LTBP1: variants seen among roughly 807,000 people sequenced by gnomAD.
The protein encoded by LTBP1 is latent transforming growth factor beta binding protein 1.
Under a neutral mutation model 207.6 loss-of-function variants are expected in LTBP1, and 129 were observed. The observed-to-expected ratio is 0.62, with a 90% CI of 0.54 to 0.72. The LOEUF (loss-of-function observed/expected upper bound fraction) is 0.72. Among genes scored for constraint, LTBP1 ranks in the 30% least tolerant of loss-of-function variants. The pLI is 0.00. For synonymous variants in LTBP1, 963 were observed against 833.7 expected, an observed-to-expected ratio of 1.16 and a Z score of -2.67; for missense variants, 2,281 against 2,217.2, an observed-to-expected ratio of 1.03 and a Z score of -0.58.
intron 3 of LTBP1, among the ~76,000 whole-genome samples, chr2:33,094,289 G>C (rs1408499130): frequency 6.6e-6 from 1 of 152,046 alleles, no homozygotes; most frequent in African/African-American, 2.4e-5. Flanking sequence ...CTTCCCTTAA[G>C]ATTTTTGTCT....
intron 32 of LTBP1, among the ~76,000 whole-genome samples, chr2:33,393,090 G>T (rs1208135446): frequency 2.6e-5 from 4 of 151,770 alleles, no homozygotes; most frequent in Non-Finnish European, 5.9e-5. Flanking sequence ...ACATATAAAG[G>T]TTTGTTACAT....
rs1393565021 is a variant in LTBP1 at position 33,300,469 on chromosome 2, A to T, written c.3254A>T (p.Gln1085Leu). The T allele has an allele frequency of 1.2e-6, 2 of 1,613,338 alleles. No individual in the cohort carries two copies. Among genetic ancestry groups the T allele is most frequent in the Admixed American group, 3.3e-5 (2 of 59,970 alleles). The part of the protein sequence containing the change: ...KHCRDIDECQ[Q>L]GNLCVNGQCK... ...TTTGCAGATATTGATGAATGTCAGC[A>T]AGGGAATCTATGTGTAAACGGGCAG... Residue 1085 changes from glutamine (Q) to leucine (L), a missense_variant, in exon 21 of 34, where the codon CAA (glutamine) becomes CTA (leucine). Physicochemically the swap from Gln to Leu is moderately radical, Grantham distance 113 (BLOSUM62 -2). This residue lies in a region of LTBP1 where 1,671 missense variants were observed against 1,634.8 expected (regional missense o/e 1.02). Transcript: ENST00000404816.
chr2:33,313,122 G>A (rs919328510), intron 23 of LTBP1, among the ~76,000 whole-genome samples: 1 of 152,162 alleles, frequency 6.6e-6, no homozygotes, highest in African/African-American at 2.4e-5. Context: ...ATTTCACAGA[G>A]TAAAATCATA....
intron 8 of LTBP1, among the ~76,000 whole-genome samples, chr2:33,219,083 A>G (rs992887465): frequency 6.6e-6 from 1 of 152,164 alleles, no homozygotes; most frequent in African/African-American, 2.4e-5. Context: ...ACAAACTTAC[A>G]GATTTTCTAA....
At chr2:33,083,019 A>G (rs570254407) in intron 3 of LTBP1, among the ~76,000 whole-genome samples, 81 of 152,040 alleles carry the variant, frequency 5.3e-4, no homozygotes, top group Non-Finnish European at 8.8e-4. Context: ...GCCAAGCTCC[A>G]CCACAAACCA....
intron 15 of LTBP1, among the ~76,000 whole-genome samples, chr2:33,269,448 C>T (rs1459397890): frequency 6.6e-6 from 1 of 152,104 alleles, no homozygotes; most frequent in African/African-American, 2.4e-5. Flanking sequence ...AACCAGGTGG[C>T]ATTATGAAGG....
At chr2:33,122,748 C>T (rs2150410160) in intron 4 of LTBP1, among the ~76,000 whole-genome samples, 1 of 152,238 alleles carries the variant, frequency 6.6e-6, no homozygotes, top group South Asian at 2.1e-4. Flanking sequence ...GCTGTGGATT[C>T]TGAACATCTT....
chr2:33,307,868 T>C (rs1481088727), intron 22 of LTBP1, among the ~76,000 whole-genome samples: 1 of 152,210 alleles, frequency 6.6e-6, no homozygotes, highest in Non-Finnish European at 1.5e-5. Flanking sequence ...CTTATTTCTC[T>C]TTTGTTTGCC....
At chr2:33,274,001 A>G (rs2093373025) in intron 16 of LTBP1, among the ~76,000 whole-genome samples, 2 of 152,240 alleles carry the variant, frequency 1.3e-5, no homozygotes, top group Admixed American at 1.3e-4. Flanking sequence ...AATGTAATAT[A>G]TTTACATAAA....
rs186900846 is a variant in LTBP1 at position 33,190,585 on chromosome 2, C to T, written c.1701+1734C>T. Among the ~76,000 whole-genome samples the T allele has an allele frequency of 3.9e-5, 6 of 152,288 alleles. No homozygotes were observed. In the East Asian group the frequency reaches 1.2e-3, roughly 29 times the overall value. On this transcript the variant is annotated intron_variant, in intron 7 of 33. Transcript: ENST00000404816. ...CCAGCACTCGGTAGGAGGGAAGTGG[C>T]TTCCTTATCTGCAAAGTAGAGATAA... is the stretch of plus-strand genomic sequence containing the variant.
chr2:33,286,146 A>G (rs1414071702), intron 19 of LTBP1, among the ~76,000 whole-genome samples: 1 of 152,216 alleles, frequency 6.6e-6, no homozygotes, highest in Non-Finnish European at 1.5e-5. Context: ...ACCCGGTAAC[A>G]CAAAATTCTG....
At chr2:33,173,461 G>T (rs1242373426) in intron 5 of LTBP1, among the ~76,000 whole-genome samples, 3 of 152,146 alleles carry the variant, frequency 2.0e-5, no homozygotes, top group African/African-American at 4.8e-5. Context: ...CCAGGAAGAA[G>T]TTGAATCTCT....
At chr2:33,342,997 C>T (rs776426038) in intron 25 of LTBP1, 34 bp downstream of exon 25, 4 of 1,600,896 alleles carry the variant, frequency 2.5e-6, no homozygotes, top group Admixed American at 1.7e-5. Context: ...ACGTGTTTCA[C>T]ATGTCCCTAG....
intron 3 of LTBP1, among the ~76,000 whole-genome samples, chr2:33,050,284 C>T (rs558804945): frequency 1.3e-5 from 2 of 151,942 alleles, no homozygotes; most frequent in South Asian, 4.2e-4. Flanking sequence ...GTTCTGTTTC[C>T]AAGCCCAGGA....
At chr2:33,324,065 C>T (rs1023177154) in intron 24 of LTBP1, among the ~76,000 whole-genome samples, 1 of 151,928 alleles carries the variant, frequency 6.6e-6, no homozygotes, top group Admixed American at 6.6e-5. Flanking sequence ...ATGGAGTAGC[C>T]CATAGAACAT....
At chr2:33,183,671 A>G (rs1209040637) in intron 5 of LTBP1, among the ~76,000 whole-genome samples, 2 of 152,190 alleles carry the variant, frequency 1.3e-5, no homozygotes, top group African/African-American at 4.8e-5. Context: ...TCTTTGTAGT[A>G]CATTTAAAGC....
At chr2:33,110,301 C>G (rs181457234) in intron 3 of LTBP1, among the ~76,000 whole-genome samples, 22 of 152,312 alleles carry the variant, frequency 1.4e-4, no homozygotes, top group Non-Finnish European at 1.6e-4. Flanking sequence ...CAGTTGTGCT[C>G]TGAATCCTCT....
At chr2:33,042,827 T>TA (rs869089245) in intron 3 of LTBP1, among the ~76,000 whole-genome samples, 3 of 152,176 alleles carry the variant, frequency 2.0e-5, no homozygotes, top group Admixed American at 1.3e-4. Flanking sequence ...TGGTATTTTT[T>TA]AAAAAAATAT....
intron 2 of LTBP1, among the ~76,000 whole-genome samples, chr2:32,972,882 T>C (rs1021577651): frequency 6.6e-6 from 1 of 152,212 alleles, no homozygotes; most frequent in Non-Finnish European, 1.5e-5. Context: ...ACCTCCTTTG[T>C]TTATACGTTA....
Sources: allele counts gnomAD v4.1 joint callset (sites outside exome capture counted in the v4.1 genomes callset), GRCh38; gene constraint gnomAD v4.1.1; regional missense constraint gnomAD v4.1.1; transcripts MANE v1.5; gene names NCBI Gene and HGNC (gene_info 2026-07-23, HGNC 2026-07-21).